Variants in COBLL1 observed in about 807,000 individuals in gnomAD.
COBLL1 encodes the protein cordon-bleu WH2 repeat protein like 1.
Under a neutral mutation model 94.8 loss-of-function variants are expected in COBLL1, and 50 were observed. The ratio of observed to expected loss-of-function variants is 0.53; its 90% CI spans 0.42 to 0.67. COBLL1 has a LOEUF of 0.67. Among genes scored for constraint, COBLL1 ranks in the 30% least tolerant of loss-of-function variants. COBLL1 has a pLI of 0.00. For synonymous variants in COBLL1, 448 were observed against 473.8 expected, an observed-to-expected ratio of 0.95 and a Z score of 0.71; for missense variants, 1,362 against 1,348.7, an observed-to-expected ratio of 1.01 and a Z score of -0.15.
In COBLL1 at chr2:164,695,637, T is replaced by C. The variant is rs200953353; in HGVS notation, c.1755A>G (p.Ser585=). 101 of 1,613,952 alleles carry C rather than the reference T, an allele frequency of 6.3e-5. No homozygotes were observed. In the East Asian group the frequency reaches 1.5e-3, roughly 24 times the overall value. ...SYKENHLAAS[S]VPDQKLNQPS... ...GTTGATTCAGTTTTTGATCTGGTAC[T>C]GATGAAGCTGCTAGATGGTTTTCCT... The change falls in exon 12 of 14, where the codon TCA becomes TCG. Residue 585 remains serine, a synonymous_variant. Coordinates refer to ENST00000652658, the MANE Select transcript of COBLL1 (RefSeq NM_001365672.2).
intron 2 of COBLL1, among the ~76,000 whole-genome samples, chr2:164,815,440 C>G (rs1449651892): frequency 6.6e-6 from 1 of 150,994 alleles, no homozygotes; most frequent in African/African-American, 2.4e-5. Context: ...GCATACTTTC[C>G]AAATGCTTAA....
intron 2 of COBLL1, among the ~76,000 whole-genome samples, chr2:164,775,654 G>A: frequency 6.6e-6 from 1 of 152,058 alleles, no homozygotes; most frequent in South Asian, 2.1e-4. Context: ...GTAGAGACAG[G>A]GTTTCACCAT....
intron 2 of COBLL1, among the ~76,000 whole-genome samples, chr2:164,824,090 A>C (rs1685314942): frequency 6.6e-6 from 1 of 152,208 alleles, no homozygotes; most frequent in South Asian, 2.1e-4. Context: ...ATCCTTATTA[A>C]ATAGTCTAGG....
intron 2 of COBLL1, among the ~76,000 whole-genome samples, chr2:164,776,484 A>G (rs1688468684): frequency 1.3e-5 from 2 of 152,092 alleles, no homozygotes; most frequent in African/African-American, 4.8e-5. Flanking sequence ...ACCTTCTCAT[A>G]AAGATTCTTA....
intron 11 of COBLL1, chr2:164,697,644 C>G (rs62173936): frequency 6.6e-6 from 1 of 151,904 alleles, no homozygotes; most frequent in African/African-American, 2.4e-5. Context: ...ATTGAATCCC[C>G]GTTTAAAAAC....
At chr2:164,795,174 C>A (rs887978632) in intron 2 of COBLL1, among the ~76,000 whole-genome samples, 2 of 151,962 alleles carry the variant, frequency 1.3e-5, no homozygotes, top group African/African-American at 4.8e-5. Context: ...TAATTATGTT[C>A]TAAAGGAGAA....
chr2:164,676,685 T>C (rs1394274212), downstream of COBLL1, among the ~76,000 whole-genome samples: 1 of 151,512 alleles, frequency 6.6e-6, no homozygotes, highest in Non-Finnish European at 1.5e-5. Context: ...TGCTTTTTTT[T>C]TTTCCCCCCC....
chr2:164,776,888 G>A lies in COBLL1; in HGVS notation c.42-33013C>T, dbSNP rs1179049428. Reference sequence around the variant, plus strand: ...TGGAAAAAAACACAAAAATAATTACGATAGATATTTAATTTTTAAAAATAA... The same window carrying A: ...TGGAAAAAAACACAAAAATAATTACAATAGATATTTAATTTTTAAAAATAA... On this transcript the variant is annotated intron_variant, in intron 2 of 13. Transcript: ENST00000652658. Among the ~76,000 whole-genome samples, 7 of 151,904 alleles carry A rather than the reference G, an allele frequency of 4.6e-5. No homozygotes were observed. The South Asian group carries it at 1.5e-3, about 32-fold the overall frequency.
rs767470593 is a variant in COBLL1 at position 164,743,746 on chromosome 2, G to A, written c.171C>T (p.Asp57=). 18 of 1,613,388 alleles carry A rather than the reference G, an allele frequency of 1.1e-5. No homozygotes were observed. Among genetic ancestry groups the A allele is most frequent in the Middle Eastern group, 1.6e-4 (1 of 6,076 alleles). ...MEQKENMIDK[D]VELSVVLPGD... is the part of the protein sequence containing the mutation. The stretch of plus-strand genomic sequence containing the variant: ...CAGGTAGGACCACTGAGAGTTCAAC[G>A]TCTTTATCTATCATGTTTTCTTTCT... The change falls in exon 3 of 14, where the codon GAC becomes GAT. Residue 57 remains aspartate (D), a synonymous_variant. Transcript: ENST00000652658.
At chr2:164,676,149 A>C (rs1047232196), downstream of COBLL1, among the ~76,000 whole-genome samples, 1 of 152,208 alleles carries the variant, frequency 6.6e-6, no homozygotes, top group Admixed American at 6.5e-5. Flanking sequence ...TTAGTATAGA[A>C]GTGTTTTCCG....
chr2:164,815,805 C>T (rs1346130793), intron 2 of COBLL1, among the ~76,000 whole-genome samples: 1 of 152,128 alleles, frequency 6.6e-6, no homozygotes, highest in African/African-American at 2.4e-5. Flanking sequence ...CACCCAGATT[C>T]CTCTACCTGA....
intron 2 of COBLL1, among the ~76,000 whole-genome samples, chr2:164,827,348 T>C (rs1685486295): frequency 6.6e-6 from 1 of 152,236 alleles, no homozygotes; most frequent in Non-Finnish European, 1.5e-5. Flanking sequence ...ACATTTATTT[T>C]TTTAAAAAGG....
chr2:164,765,561 G>A (rs1687889297), intron 2 of COBLL1, among the ~76,000 whole-genome samples: 1 of 152,064 alleles, frequency 6.6e-6, no homozygotes, highest in Non-Finnish European at 1.5e-5. Context: ...GGATTTTCTT[G>A]AGACGAATAA....
intron 7 of COBLL1, among the ~76,000 whole-genome samples, chr2:164,719,354 T>G (rs1467381902): frequency 2.6e-5 from 4 of 152,102 alleles, no homozygotes; most frequent in South Asian, 4.2e-4. Context: ...AATTACGAAG[T>G]TGATGTACAG....
chr2:164,728,678 T>A (rs1424505652), intron 4 of COBLL1, among the ~76,000 whole-genome samples: 1 of 152,040 alleles, frequency 6.6e-6, no homozygotes, highest in African/African-American at 2.4e-5. Context: ...AATGAGATAA[T>A]CCATATGAAA....
chr2:164,679,854 G>A (rs1433278306), downstream of COBLL1, among the ~76,000 whole-genome samples: 1 of 151,732 alleles, frequency 6.6e-6, no homozygotes, highest in East Asian at 1.9e-4. Flanking sequence ...GTTGATGGGT[G>A]CAGCAAACTA....
At chr2:164,703,146 C>G in intron 9 of COBLL1, 1 of 1,613,942 alleles carries the variant, frequency 6.2e-7, no homozygotes, top group South Asian at 1.1e-5. Context: ...CCAGGGCACT[C>G]AAAGACAGAG....
chr2:164,810,502 G>T (rs1684412119), intron 2 of COBLL1, among the ~76,000 whole-genome samples: 1 of 151,460 alleles, frequency 6.6e-6, no homozygotes, highest in Non-Finnish European at 1.5e-5. Context: ...ATTCATAATT[G>T]TCATAAAATT....
chr2:164,699,424 C>T lies in COBLL1; in HGVS notation c.1536G>A (p.Leu512=). The T allele has an allele frequency of 1.9e-6, 3 of 1,610,662 alleles. No individual in the cohort carries two copies. Among genetic ancestry groups the T allele is most frequent in the Non-Finnish European group, 2.5e-6 (3 of 1,177,022 alleles). Residue 512 remains leucine (L), a synonymous_variant, in exon 11 of 14, where the codon TTG becomes TTA. Coordinates refer to ENST00000652658, the MANE Select transcript of COBLL1 (RefSeq NM_001365672.2). The part of the protein sequence containing the change: ...VVDSIRNLKS[L]GPNQENVVQN... ...ACTCACCATTCTCTTGGTTTGGGCCCAACGACTTCAAGTTTCTTATACTGT... is the reference window on the plus strand; with the variant it reads ...ACTCACCATTCTCTTGGTTTGGGCCTAACGACTTCAAGTTTCTTATACTGT...
Sources: gnomAD v4.1 joint callset for allele counts (sites outside exome capture counted in the v4.1 genomes callset) on GRCh38, gnomAD v4.1.1 for gene constraint, MANE v1.5 for transcripts, NCBI Gene and HGNC (gene_info 2026-07-23, HGNC 2026-07-21) for gene names.